DNAH5: variants seen among roughly 807,000 people sequenced by gnomAD.
The protein encoded by DNAH5 is axonemal beta dynein heavy chain 5.
Under a neutral mutation model 518.2 loss-of-function variants are expected in DNAH5, and 372 were observed. The ratio of observed to expected loss-of-function variants is 0.72; its 90% CI spans 0.66 to 0.78. The LOEUF (loss-of-function observed/expected upper bound fraction) is 0.78. Ranked by LOEUF, DNAH5 falls within the 30% of genes least tolerant of loss-of-function variation. The pLI is 0.00. For missense variants in DNAH5, 5,523 were observed against 5,687.0 expected (o/e 0.97, Z 0.93); for synonymous variants, 2,039 against 2,025.9 (o/e 1.01, Z -0.17).
At chr5:13,915,281 G>A (rs200263868) in intron 9 of DNAH5, among the ~76,000 whole-genome samples, 12 of 152,092 alleles carry the variant, frequency 7.9e-5, no homozygotes, top group East Asian at 3.9e-4. Flanking sequence ...TCAGCCATGC[G>A]TGGATATCTG....
At chr5:13,784,003 G>A (rs1755590330) in intron 52 of DNAH5, among the ~76,000 whole-genome samples, 1 of 152,160 alleles carries the variant, frequency 6.6e-6, no homozygotes, top group Non-Finnish European at 1.5e-5. Context: ...ACACCAGCGA[G>A]GCCCCAGCAC....
intron 75 of DNAH5, among the ~76,000 whole-genome samples, chr5:13,708,669 A>G (rs1038710381): frequency 2.6e-5 from 4 of 152,166 alleles, no homozygotes; most frequent in African/African-American, 4.8e-5. Context: ...GAGCTCTTTC[A>G]AACCCACATG....
At chr5:13,798,705 T>A (rs545692642) in intron 47 of DNAH5, among the ~76,000 whole-genome samples, 7 of 151,772 alleles carry the variant, frequency 4.6e-5, no homozygotes, top group African/African-American at 1.7e-4. Context: ...TTCACAGTAA[T>A]TGCACAGTGT....
At chr5:13,780,754 A>G (rs1429579899) in intron 53 of DNAH5, 75 bp downstream of exon 53, 1 of 1,527,810 alleles carries the variant, frequency 6.5e-7, no homozygotes, top group African/African-American at 1.4e-5. Flanking sequence ...AGAGAAATGC[A>G]TTTGAACTTC....
At chr5:13,974,198 C>T (rs1236235928) in intron 1 of DNAH5, among the ~76,000 whole-genome samples, 2 of 147,004 alleles carry the variant, frequency 1.4e-5, no homozygotes, top group East Asian at 4.0e-4. Context: ...TGCAGTGGTG[C>T]GATCTTGGGT....
At chr5:13,880,682 G>C (rs1009339438) in intron 21 of DNAH5, among the ~76,000 whole-genome samples, 7 of 150,982 alleles carry the variant, frequency 4.6e-5, no homozygotes, top group Non-Finnish European at 1.0e-4. Flanking sequence ...AAAGCAAAAG[G>C]CCATAAGAGA....
intron 11 of DNAH5, among the ~76,000 whole-genome samples, chr5:13,913,439 A>T (rs1485630023): frequency 6.6e-6 from 1 of 152,130 alleles, no homozygotes; most frequent in East Asian, 1.9e-4. Context: ...TGCAAGAATA[A>T]ATAAAACAAT....
chr5:13,766,410 T>A (rs1752521343), intron 58 of DNAH5, among the ~76,000 whole-genome samples: 1 of 152,182 alleles, frequency 6.6e-6, no homozygotes, highest in Non-Finnish European at 1.5e-5. Context: ...GGCGAGCAGA[T>A]AAGGAGCTGT....
At position 13,824,313 on chromosome 5, in the gene DNAH5, C is replaced by T. The variant is rs1436835343; in HGVS notation, c.6465G>A (p.Leu2155=). The part of the protein sequence containing the change: ...LSKQVHYDFG[L]RNILSVLRTL... ...TCCGAAGAACTGACAGAATGTTACG[C>T]AGGCCAAAGTCATAATGAACCTAGA... Residue 2155 remains leucine, a synonymous_variant, in exon 39 of 79, where the codon CTG becomes CTA. Coordinates refer to ENST00000265104, the MANE Select transcript of DNAH5 (RefSeq NM_001369.3). The T allele has an allele frequency of 1.2e-6, 2 of 1,614,062 alleles. No individual in the cohort carries two copies. Among genetic ancestry groups the T allele is most frequent in the South Asian group, 1.1e-5 (1 of 91,078 alleles).
intron 55 of DNAH5, among the ~76,000 whole-genome samples, chr5:13,773,560 A>C (rs566382733): frequency 6.6e-6 from 1 of 152,346 alleles, no homozygotes; most frequent in East Asian, 1.9e-4. Flanking sequence ...CATTCATTCA[A>C]CGTCATAAGT....
At chr5:13,798,910 TG>T (rs1758283349) in intron 47 of DNAH5, among the ~76,000 whole-genome samples, 1 of 151,686 alleles carries the variant, frequency 6.6e-6, no homozygotes, top group South Asian at 2.1e-4. Context: ...GGATTACAGG[TG>T]CACACCACCA....
At chr5:13,983,780 G>A (rs958875112) in intron 1 of DNAH5, among the ~76,000 whole-genome samples, 8 of 152,148 alleles carry the variant, frequency 5.3e-5, no homozygotes, top group African/African-American at 1.9e-4. Flanking sequence ...GCATCTACAA[G>A]GCAATCAGCG....
In DNAH5 at chr5:13,925,726, G is replaced by A. The variant is rs184964140; in HGVS notation, c.278-2286C>T. On this transcript the variant is annotated intron_variant, in intron 3 of 78. Coordinates refer to ENST00000265104, the MANE Select transcript of DNAH5 (RefSeq NM_001369.3). The stretch of plus-strand genomic sequence containing the variant: ...TCCCACCAGGTTCCTACCAAGACAC[G>A]TGATAATTGTGGGAGTTACAATTCA... Among the ~76,000 whole-genome samples, 43 of 152,282 alleles carry A rather than the reference G, an allele frequency of 2.8e-4. No individual in the cohort carries two copies. In the East Asian group the frequency reaches 6.6e-3, roughly 23 times the overall value.
intron 1 of DNAH5, among the ~76,000 whole-genome samples, chr5:13,999,453 G>A (rs562053195): frequency 1.7e-4 from 26 of 152,316 alleles, no homozygotes; most frequent in South Asian, 1.0e-3. Flanking sequence ...GGAATCATGC[G>A]TTAGTTGTCT....
At chr5:13,964,552 A>T (rs78278713) in intron 1 of DNAH5, among the ~76,000 whole-genome samples, 2,692 of 152,118 alleles carry the variant, frequency 0.018, 74 homozygotes, top group African/African-American at 0.062. Context: ...GCTGCACTTG[A>T]CTCTCAGCCC....
chr5:13,844,560 TA>T (rs1453650119), intron 32 of DNAH5, among the ~76,000 whole-genome samples: 1 of 152,248 alleles, frequency 6.6e-6, no homozygotes, highest in East Asian at 1.9e-4. Flanking sequence ...TTGGATTTCT[TA>T]CTAGTTAACT....
chr5:13,911,345 A>G, intron 12 of DNAH5, 41 bp downstream of exon 12: 1 of 1,507,442 alleles, frequency 6.6e-7, no homozygotes, highest in Non-Finnish European at 9.2e-7. Context: ...AGGAAAAAAT[A>G]AACACACGAC....
intron 1 of DNAH5, among the ~76,000 whole-genome samples, chr5:13,956,260 A>C (rs1208186493): frequency 6.6e-6 from 1 of 152,240 alleles, no homozygotes; most frequent in Admixed American, 6.5e-5. Context: ...TTTTAGAAAT[A>C]AACTTTATGC....
intron 67 of DNAH5, 66 bp from the exon 68 acceptor site, chr5:13,735,387 T>G: frequency 6.8e-7 from 1 of 1,469,144 alleles, no homozygotes; most frequent in Non-Finnish European, 9.4e-7. Flanking sequence ...TAAAAACAAT[T>G]GTCTTTAATG....
Sources: allele counts gnomAD v4.1 joint callset (sites outside exome capture counted in the v4.1 genomes callset), GRCh38; gene constraint gnomAD v4.1.1; transcripts MANE v1.5; gene names NCBI Gene and HGNC (gene_info 2026-07-23, HGNC 2026-07-21).